The following HMGXB4 variants were observed in gnomAD, a reference collection of about 807,000 sequenced individuals.
HMGXB4 encodes HMG-box containing 4, also known as HMG domain-containing protein 4.
In HMGXB4, 27 loss-of-function variants were observed where a neutral mutation model predicts 63.9. That is an observed-to-expected ratio of 0.42 (90% CI 0.31 to 0.58). The LOEUF is 0.58. Ranked by LOEUF, HMGXB4 falls within the 20% of genes least tolerant of loss-of-function variation. The probability of loss-of-function intolerance (pLI) is 0.13; values close to 1 mark genes in which losing one functional copy is unlikely to be tolerated. For synonymous variants in HMGXB4, 264 were observed against 265.3 expected, an observed-to-expected ratio of 0.99 and a Z score of 0.05; for missense variants, 624 against 700.7, an observed-to-expected ratio of 0.89 and a Z score of 1.24.
chr22:35,288,382 T>C lies in HMGXB4; in HGVS notation c.1613T>C (p.Ile538Thr), dbSNP rs778343963. 1.5e-5 allele frequency: 24 copies of C among 1,605,348 alleles called. No homozygotes were observed. Among genetic ancestry groups the C allele is most frequent in the Non-Finnish European group, 1.5e-5 (18 of 1,174,954 alleles). The change falls in exon 9 of 11, where the codon ATT (isoleucine) becomes ACT (threonine). Residue 538 changes from isoleucine to threonine, a missense_variant. Physicochemically the swap from Ile to Thr is moderately conservative, Grantham distance 89 (BLOSUM62 -1). Coordinates refer to ENST00000216106, the MANE Select transcript of HMGXB4 (RefSeq NM_001003681.3). ...LQLLGESLSL[I>T]GHRLQETEGM... The stretch of plus-strand genomic sequence containing the variant: ...CTGTTGGGAGAGTCCCTAAGCCTCA[T>C]TGGACACCGTCTGCAGGAAACTGAG...
chr22:35,248,307 G>A, the HMGXB4 span, among the ~76,000 whole-genome samples: 2 of 152,000 alleles, frequency 1.3e-5, no homozygotes, highest in Non-Finnish European at 2.9e-5. Flanking sequence ...GCATGCTGCT[G>A]GCATCTGCTT....
Position 35,257,561 on chromosome 22 carries a change from G to C in HMGXB4, c.-69+4G>C, listed in dbSNP as rs946937568. On this transcript the variant is annotated splice_donor_region_variant and intron_variant, in intron 1 of 10. Transcript: ENST00000216106. The stretch of plus-strand genomic sequence containing the variant: ...GATCCGGGCGAGCCGAGTGAAGGTA[G>C]CGGCGAGCGGAGACCCCAGGAGACC... 1.3e-5 allele frequency: 2 copies of C among 152,680 alleles called. No individual in the cohort carries two copies. Among genetic ancestry groups the C allele is most frequent in the Non-Finnish European group, 2.9e-5 (2 of 68,112 alleles). The allele number at this position is 152,680 out of a possible 1,614,324, so 9.5% of individuals were successfully genotyped here.
chr22:35,278,791 A>C (rs1009136667), intron 5 of HMGXB4, among the ~76,000 whole-genome samples: 2 of 150,940 alleles, frequency 1.3e-5, no homozygotes, highest in African/African-American at 4.9e-5. Context: ...TGGGGCTACA[A>C]GCATGCACCA....
intron 8 of HMGXB4, 69 bp downstream of exon 8, chr22:35,287,521 G>A: frequency 9.1e-7 from 1 of 1,101,224 alleles, no homozygotes; most frequent in Admixed American, 2.0e-5. Context: ...TAAGAAACTG[G>A]GAAAAAAGCT....
At chr22:35,285,177 A>G (rs1327438554) in intron 6 of HMGXB4, among the ~76,000 whole-genome samples, 2 of 152,214 alleles carry the variant, frequency 1.3e-5, no homozygotes, top group African/African-American at 4.8e-5. Flanking sequence ...AGGCTGAAGC[A>G]GGAGAATTGC....
At chr22:35,243,704 C>T in the HMGXB4 span, among the ~76,000 whole-genome samples, 7 of 152,064 alleles carry the variant, frequency 4.6e-5, no homozygotes, top group South Asian at 6.2e-4. Flanking sequence ...CCACCACGCC[C>T]GGCTAATTTT....
At chr22:35,246,463 C>A in the HMGXB4 span, among the ~76,000 whole-genome samples, 2 of 152,024 alleles carry the variant, frequency 1.3e-5, no homozygotes, top group Non-Finnish European at 2.9e-5. Context: ...TTAGTAGAGG[C>A]GGGGTTTCAC....
At position 35,265,357 on chromosome 22, in the gene HMGXB4, GAA is replaced by G. The variant is rs757046387; in HGVS notation, c.970_971del (p.Lys324GlufsTer11). On this transcript the variant is annotated frameshift_variant, in exon 5 of 11. Coordinates refer to ENST00000216106, the MANE Select transcript of HMGXB4 (RefSeq NM_001003681.3). LOFTEE classifies it high-confidence loss of function. ...AAATCAAGAAGAAAAAGAAGTCAAA[GAA>G]GAGCAAAAAGAAGAAAGACAAGGAG... ...REIKKKKKSKKSKKKKDKEKH... is the reference protein window; with the variant it reads ...REIKKKKKSKXSKKKKDKEKH... The G allele has an allele frequency of 5.6e-6, 9 of 1,613,854 alleles. No homozygotes were observed. The highest frequency in any genetic ancestry group is 1.7e-5 in the Admixed American group (1 of 59,960).
intron 9 of HMGXB4, among the ~76,000 whole-genome samples, chr22:35,291,395 T>C (rs1420893990): frequency 6.6e-6 from 1 of 152,170 alleles, no homozygotes; most frequent in Non-Finnish European, 1.5e-5. Context: ...ACTTCACTGT[T>C]GGGGAACTAC....
At chr22:35,267,935 A>C (rs1923362360) in intron 5 of HMGXB4, among the ~76,000 whole-genome samples, 1 of 152,184 alleles carries the variant, frequency 6.6e-6, no homozygotes, top group Non-Finnish European at 1.5e-5. Flanking sequence ...CCTGAGTTCA[A>C]TATTTGTTTT....
chr22:35,252,086 G>A, the HMGXB4 span, among the ~76,000 whole-genome samples: 193 of 152,190 alleles, frequency 1.3e-3, 1 homozygote, highest in African/African-American at 4.4e-3. Flanking sequence ...GTGGTGGTGC[G>A]TGCCTGTAAT....
intron 1 of HMGXB4, among the ~76,000 whole-genome samples, chr22:35,259,290 A>G (rs1336856144): frequency 6.6e-6 from 1 of 152,254 alleles, no homozygotes; most frequent in Non-Finnish European, 1.5e-5. Context: ...TAGCACACTG[A>G]GACAAACAAA....
chr22:35,265,982 T>A (rs1923223355), intron 5 of HMGXB4, among the ~76,000 whole-genome samples: 1 of 148,360 alleles, frequency 6.7e-6, no homozygotes, highest in Admixed American at 6.8e-5. Flanking sequence ...AGAGACGAGG[T>A]TTCACCATGT....
chr22:35,288,557 T>G (rs562039576), intron 9 of HMGXB4, 150 bp downstream of exon 9: 2 of 490,744 alleles, frequency 4.1e-6, no homozygotes, highest in East Asian at 3.4e-5. Flanking sequence ...ATAGAAGATA[T>G]AATGATAATA....
At chr22:35,255,840 T>C (rs1222419592), upstream of HMGXB4, among the ~76,000 whole-genome samples, 1 of 152,252 alleles carries the variant, frequency 6.6e-6, no homozygotes, top group African/African-American at 2.4e-5. Flanking sequence ...GGCTCTTAAA[T>C]GCCTCAAAGG....
intron 5 of HMGXB4, among the ~76,000 whole-genome samples, chr22:35,276,475 C>G (rs1186675419): frequency 6.6e-6 from 1 of 152,234 alleles, no homozygotes; most frequent in Non-Finnish European, 1.5e-5. Context: ...TCCTGTCCCA[C>G]TCACTCCAAG....
chr22:35,265,626 T>G (rs1568997079), intron 5 of HMGXB4, 23 bp downstream of exon 5: 1 of 1,521,072 alleles, frequency 6.6e-7, no homozygotes, highest in Non-Finnish European at 8.8e-7. Context: ...TTAAGTGTGG[T>G]GGGGGTAAGA....
chr22:35,263,256 T>C, intron 3 of HMGXB4, 30 bp downstream of exon 3: 1 of 1,556,794 alleles, frequency 6.4e-7, no homozygotes, highest in Non-Finnish European at 8.7e-7. Context: ...ATTAGGAAAG[T>C]CTTAAACTAC....
At chr22:35,283,834 A>G (rs570943006) in intron 5 of HMGXB4, 128 bp from the exon 6 acceptor site, 37 of 614,232 alleles carry the variant, frequency 6.0e-5, no homozygotes, top group Non-Finnish European at 1.1e-4. Flanking sequence ...AAAGCTGGTT[A>G]GTAGTTTGGA....
Sources: gnomAD v4.1 joint callset for allele counts (sites outside exome capture counted in the v4.1 genomes callset) on GRCh38, gnomAD v4.1.1 for gene constraint, MANE v1.5 for transcripts, NCBI Gene and HGNC (gene_info 2026-07-23, HGNC 2026-07-21) for gene names.